Variants in GCNT1 observed in about 807,000 individuals in gnomAD.
GCNT1 encodes the protein beta-1,3-galactosyl-O-glycosyl-glycoprotein beta-1,6-N-acetylglucosaminyltransferase.
A neutral mutation model predicts 26.2 loss-of-function variants in GCNT1; 16 were observed. The ratio of observed to expected loss-of-function variants is 0.61; its 90% CI spans 0.41 to 0.93. The LOEUF is 0.93. Ranked by LOEUF, GCNT1 falls within the 40% of genes least tolerant of loss-of-function variation. GCNT1 has a pLI of 0.00. For synonymous variants in GCNT1, 183 were observed against 190.8 expected, an observed-to-expected ratio of 0.96 and a Z score of 0.34; for missense variants, 477 against 526.7, an observed-to-expected ratio of 0.91 and a Z score of 0.92.
chr9:76,432,695 A>G (rs1331486661), intron 1 of GCNT1, among the ~76,000 whole-genome samples: 1 of 152,174 alleles, frequency 6.6e-6, no homozygotes, highest in East Asian at 1.9e-4. Flanking sequence ...TCAAATGACT[A>G]GGCAGATGGG....
intron 1 of GCNT1, among the ~76,000 whole-genome samples, chr9:76,434,323 T>A (rs1823377492): frequency 7.2e-5 from 11 of 152,178 alleles, no homozygotes; most frequent in Admixed American, 7.2e-4. Context: ...TAGGTCATGT[T>A]CAGGACTCAC....
chr9:76,398,761 AG>A, the GCNT1 span: 78 of 1,252,702 alleles, frequency 6.2e-5, 1 homozygote, highest in Non-Finnish European at 1.4e-5. Context: ...TCCTTGCAGC[AG>A]GAACCCACTT....
chr9:76,402,064 T>C, the GCNT1 span, among the ~76,000 whole-genome samples: 1 of 152,202 alleles, frequency 6.6e-6, no homozygotes, highest in Non-Finnish European at 1.5e-5. Flanking sequence ...TCCAGCCAGA[T>C]GAGGGCTACA....
intron 2 of GCNT1, among the ~76,000 whole-genome samples, chr9:76,497,681 A>C (rs775995128): frequency 6.6e-6 from 1 of 152,080 alleles, no homozygotes; most frequent in African/African-American, 2.4e-5. Context: ...TGTATTTTCT[A>C]TTTGGATTTC....
chr9:76,400,117 AG>A, the GCNT1 span, among the ~76,000 whole-genome samples: 1 of 152,212 alleles, frequency 6.6e-6, no homozygotes, highest in Non-Finnish European at 1.5e-5. Flanking sequence ...GGGGATTTTT[AG>A]GGCAGTGAAA....
intron 2 of GCNT1, among the ~76,000 whole-genome samples, chr9:76,479,155 G>C (rs1316182972): frequency 6.6e-6 from 1 of 152,136 alleles, no homozygotes; most frequent in Non-Finnish European, 1.5e-5. Context: ...ATGGTTTCCA[G>C]CTTCATCCAT....
chr9:76,471,893 A>C (rs1669851867), intron 2 of GCNT1, among the ~76,000 whole-genome samples: 1 of 152,076 alleles, frequency 6.6e-6, no homozygotes, highest in Non-Finnish European at 1.5e-5. Flanking sequence ...CCCAGGCTGG[A>C]GTGCAGTGGC....
intron 1 of GCNT1, among the ~76,000 whole-genome samples, chr9:76,429,931 G>A (rs2131576247): frequency 6.6e-6 from 1 of 152,074 alleles, no homozygotes; most frequent in South Asian, 2.1e-4. Context: ...AGCCAGGATG[G>A]TCTCGATCTC....
intron 1 of GCNT1, among the ~76,000 whole-genome samples, chr9:76,428,288 A>AAAAAAAAAAAAG (rs1823285383): frequency 7.1e-6 from 1 of 140,440 alleles, no homozygotes; most frequent in Non-Finnish European, 1.6e-5. Flanking sequence ...AAAAAAAAAA[A>AAAAAAAAAAAAG]ACTTAAAAAA....
chr9:76,465,904 G>C (rs1205663495), intron 2 of GCNT1, among the ~76,000 whole-genome samples: 1 of 152,210 alleles, frequency 6.6e-6, no homozygotes, highest in Non-Finnish European at 1.5e-5. Flanking sequence ...TATGGTGATT[G>C]AGAACACAGG....
At chr9:76,472,976 T>A (rs1824172367) in intron 2 of GCNT1, among the ~76,000 whole-genome samples, 1 of 152,120 alleles carries the variant, frequency 6.6e-6, no homozygotes, top group African/African-American at 2.4e-5. Flanking sequence ...CTAGAATTCC[T>A]GACCTCAGAT....
At chr9:76,398,611 A>ATTTGTT in the GCNT1 span, 1 of 757,156 alleles carries the variant, frequency 1.3e-6, no homozygotes, top group Non-Finnish European at 2.3e-6. Context: ...ACAAAAACCT[A>ATTTGTT]TTTGTTTTTG....
chr9:76,482,810 A>AT (rs1824456718), intron 2 of GCNT1, among the ~76,000 whole-genome samples: 1 of 61,396 alleles, frequency 1.6e-5, no homozygotes. Flanking sequence ...ACACCGGGCT[A>AT]ATTTTTTTTT....
chr9:76,490,503 A>T (rs947038704), intron 2 of GCNT1, among the ~76,000 whole-genome samples: 2 of 152,224 alleles, frequency 1.3e-5, no homozygotes, highest in African/African-American at 2.4e-5. Flanking sequence ...AGGGGCACTG[A>T]CAAGGTCTGA....
At chr9:76,413,681 T>TG in the GCNT1 span, among the ~76,000 whole-genome samples, 1 of 150,346 alleles carries the variant, frequency 6.7e-6, no homozygotes, top group Non-Finnish European at 1.5e-5. Context: ...TTTTTTTTTT[T>TG]TTTGGCATTT....
At chr9:76,439,145 G>A (rs937740338), upstream of GCNT1, among the ~76,000 whole-genome samples, 1 of 152,102 alleles carries the variant, frequency 6.6e-6, no homozygotes, top group Non-Finnish European at 1.5e-5. Flanking sequence ...GTATCACCTG[G>A]GAACTTGTTA....
upstream of GCNT1, among the ~76,000 whole-genome samples, chr9:76,455,590 T>A (rs979467122): frequency 2.2e-4 from 34 of 152,174 alleles, no homozygotes; most frequent in Middle Eastern, 3.4e-3. Context: ...ACTTTTTTTT[T>A]AATTTATTCT....
chr9:76,403,233 G>GCTAT, the GCNT1 span, among the ~76,000 whole-genome samples: 1 of 152,134 alleles, frequency 6.6e-6, no homozygotes, highest in South Asian at 2.1e-4. Context: ...TGCTTTAATA[G>GCTAT]GGTCCACTCC....
At chr9:76,444,888 G>C (rs1346728252) in intron 1 of GCNT1, among the ~76,000 whole-genome samples, 1 of 152,174 alleles carries the variant, frequency 6.6e-6, no homozygotes, top group African/African-American at 2.4e-5. Flanking sequence ...CTATGAAGCA[G>C]GAGTCAGTAA....
Sources: gnomAD v4.1 joint callset for allele counts (sites outside exome capture counted in the v4.1 genomes callset) on GRCh38, gnomAD v4.1.1 for gene constraint, MANE v1.5 for transcripts, NCBI Gene and HGNC (gene_info 2026-07-23, HGNC 2026-07-21) for gene names.